MTUS1: variants seen among roughly 807,000 people sequenced by gnomAD.
MTUS1 encodes microtubule associated scaffold protein 1.
Under a neutral mutation model 120.8 loss-of-function variants are expected in MTUS1, and 109 were observed. The ratio of observed to expected loss-of-function variants is 0.90; its 90% CI spans 0.77 to 1.06. MTUS1 has a LOEUF of 1.06. MTUS1 is among the 50% of genes least tolerant of loss of function. MTUS1 has a pLI of 0.00. For missense variants in MTUS1, 2,210 were observed against 1,486.3 expected, an observed-to-expected ratio of 1.49 and a Z score of -8.01; for synonymous variants, 737 against 550.5, an observed-to-expected ratio of 1.34 and a Z score of -4.74.
At chr8:17,661,559 T>G (rs1809698772) in intron 8 of MTUS1, among the ~76,000 whole-genome samples, 1 of 152,048 alleles carries the variant, frequency 6.6e-6, no homozygotes, top group African/African-American at 2.4e-5. Context: ...TATGTAATTG[T>G]GGCACATCAG....
chr8:17,697,113 T>C (rs888197456), intron 6 of MTUS1: 1 of 1,065,138 alleles, frequency 9.4e-7, no homozygotes, highest in Non-Finnish European at 1.3e-6. Flanking sequence ...CAGAAAACAA[T>C]TTTTAAATTA....
At chr8:17,663,533 C>T (rs572114436) in intron 8 of MTUS1, among the ~76,000 whole-genome samples, 1 of 152,310 alleles carries the variant, frequency 6.6e-6, no homozygotes, top group South Asian at 2.1e-4. Flanking sequence ...CTCAGTCACA[C>T]CACTCAGCTG....
intron 8 of MTUS1, among the ~76,000 whole-genome samples, chr8:17,657,345 GA>G (rs1808556481): frequency 6.6e-6 from 1 of 151,488 alleles, no homozygotes; most frequent in African/African-American, 2.4e-5. Flanking sequence ...GAGGCGGGCG[GA>G]TCACGAGGTC....
chr8:17,740,919 G>T (rs908740175), intron 3 of MTUS1, among the ~76,000 whole-genome samples: 3 of 152,144 alleles, frequency 2.0e-5, no homozygotes, highest in African/African-American at 4.8e-5. Flanking sequence ...AGGCTGGGGT[G>T]CAATGGTGCT....
chr8:17,713,588 C>T (rs1234822731), intron 5 of MTUS1, among the ~76,000 whole-genome samples: 4 of 152,182 alleles, frequency 2.6e-5, no homozygotes, highest in Admixed American at 6.5e-5. Flanking sequence ...GCACATATGC[C>T]ATTCTGCTGC....
intron 9 of MTUS1, chr8:17,655,026 G>C (rs995401567): frequency 3.9e-5 from 8 of 207,372 alleles, no homozygotes; most frequent in African/African-American, 1.8e-4. Context: ...AGACACAGAG[G>C]CTCTCCAGGG....
chr8:17,726,127 G>C (rs761085978), intron 3 of MTUS1, among the ~76,000 whole-genome samples: 6 of 152,162 alleles, frequency 3.9e-5, no homozygotes, highest in South Asian at 2.1e-4. Flanking sequence ...TTTCTGTCCA[G>C]TGAATCCAAA....
At position 17,755,416 on chromosome 8, in the gene MTUS1, C is replaced by T. The variant is rs778999819; in HGVS notation, c.392G>A (p.Ser131Asn). ...CACAAAAGGCAAAGATGGCTCAACA[C>T]TCTGGCCCTCAACTGCTTCTAGGGA... Reference protein sequence around the residue: ...CHSLEAVEGQSVEPSLPFVWK... With the variant: ...CHSLEAVEGQNVEPSLPFVWK... Residue 131 changes from serine to asparagine, a missense_variant, in exon 2 of 15, where the codon AGT (serine) becomes AAT (asparagine). Ser to Asn is a conservative substitution (Grantham distance 46). Transcript: ENST00000693296. 16 of 1,614,132 alleles carry T rather than the reference C, an allele frequency of 9.9e-6. No individual in the cohort carries two copies. The highest frequency in any genetic ancestry group is 2.2e-5 in the East Asian group (1 of 44,892).
chr8:17,794,877 T>C (rs1441429646), intron 1 of MTUS1, among the ~76,000 whole-genome samples: 3 of 152,188 alleles, frequency 2.0e-5, no homozygotes, highest in Non-Finnish European at 2.9e-5. Flanking sequence ...GGCTTCTATT[T>C]TCATTCCGTA....
At chr8:17,767,865 G>C (rs2049683724) in intron 1 of MTUS1, among the ~76,000 whole-genome samples, 1 of 152,158 alleles carries the variant, frequency 6.6e-6, no homozygotes, top group Non-Finnish European at 1.5e-5. Flanking sequence ...TTATGATGGA[G>C]ACTGATGCTT....
chr8:17,756,553 A>G (rs921564505), intron 1 of MTUS1, among the ~76,000 whole-genome samples: 4 of 151,942 alleles, frequency 2.6e-5, no homozygotes, highest in Non-Finnish European at 5.9e-5. Context: ...GGAAAAAAAA[A>G]TTGTCGATTC....
chr8:17,722,835 T>C (rs1318588850), intron 4 of MTUS1, among the ~76,000 whole-genome samples: 1 of 152,174 alleles, frequency 6.6e-6, no homozygotes, highest in African/African-American at 2.4e-5. Flanking sequence ...AGGAGCCTCA[T>C]GAGCATTATT....
At chr8:17,693,553 C>T (rs209972) in intron 6 of MTUS1, among the ~76,000 whole-genome samples, 125,524 of 152,130 alleles carry the variant, frequency 0.83, 52,094 homozygotes, top group East Asian at 0.99. Flanking sequence ...ACTACAACTC[C>T]TTTGTTTCCT....
intron 7 of MTUS1, among the ~76,000 whole-genome samples, chr8:17,680,436 A>C (rs10113586): frequency 0.78 from 103,177 of 131,706 alleles, 40,656 homozygotes; most frequent in East Asian, 0.96. Flanking sequence ...TGCACTCCAG[A>C]CTGGGTGACA....
chr8:17,772,966 G>A (rs2050127486), intron 1 of MTUS1, among the ~76,000 whole-genome samples: 1 of 152,130 alleles, frequency 6.6e-6, no homozygotes. Context: ...CCAAAGATAC[G>A]TTCAGAAGAA....
intron 3 of MTUS1, among the ~76,000 whole-genome samples, chr8:17,741,622 C>T (rs952733942): frequency 2.6e-5 from 4 of 152,330 alleles, no homozygotes; most frequent in African/African-American, 9.6e-5. Flanking sequence ...AAGGACTTAA[C>T]AACTACTTCC....
intron 6 of MTUS1, among the ~76,000 whole-genome samples, chr8:17,687,843 C>T (rs1018368245): frequency 3.3e-5 from 5 of 152,140 alleles, no homozygotes; most frequent in African/African-American, 4.8e-5. Flanking sequence ...AAAACTAGTG[C>T]AATGAAGTCA....
chr8:17,664,373 G>T (rs952451449), intron 8 of MTUS1, among the ~76,000 whole-genome samples: 23 of 152,082 alleles, frequency 1.5e-4, no homozygotes, highest in African/African-American at 4.8e-4. Flanking sequence ...ACAGGAAAAA[G>T]AGATGATTCC....
At chr8:17,769,417 G>C (rs1363603147) in intron 1 of MTUS1, among the ~76,000 whole-genome samples, 5 of 148,364 alleles carry the variant, frequency 3.4e-5, no homozygotes, top group East Asian at 2.0e-4. Flanking sequence ...GCGCGATCTC[G>C]GCTCACTGCA....
Sources: allele counts gnomAD v4.1 joint callset (sites outside exome capture counted in the v4.1 genomes callset), GRCh38; gene constraint gnomAD v4.1.1; transcripts MANE v1.5; gene names NCBI Gene and HGNC (gene_info 2026-07-23, HGNC 2026-07-21).